Variants in GRIN2B observed in about 807,000 individuals in gnomAD.
The protein encoded by GRIN2B is glutamate receptor ionotropic, NMDA 2B.
In GRIN2B, 5 loss-of-function variants were observed where a neutral mutation model predicts 114.5. The ratio of observed to expected loss-of-function variants is 0.04; its 90% CI spans 0.02 to 0.09. The LOEUF is 0.09. GRIN2B is among the 10% of genes least tolerant of loss of function. GRIN2B has a pLI of 1.00. For synonymous variants in GRIN2B, 787 were observed against 745.1 expected, an observed-to-expected ratio of 1.06 and a Z score of -0.92; for missense variants, 1,108 against 1,943.5, an observed-to-expected ratio of 0.57 and a Z score of 8.08.
At chr12:13,949,506 C>A (rs1355988535) in intron 2 of GRIN2B, among the ~76,000 whole-genome samples, 5 of 152,136 alleles carry the variant, frequency 3.3e-5, no homozygotes, top group African/African-American at 1.2e-4. Context: ...GTGGAAGCTG[C>A]CGTGGCATTC....
At chr12:13,817,368 G>C (rs909590816) in intron 3 of GRIN2B, among the ~76,000 whole-genome samples, 22 of 152,160 alleles carry the variant, frequency 1.4e-4, no homozygotes, top group African/African-American at 5.3e-4. Context: ...AAGCCTGTTA[G>C]TCAGCAGATG....
chr12:13,664,536 A>T (rs971548561), intron 5 of GRIN2B, among the ~76,000 whole-genome samples: 6 of 152,184 alleles, frequency 3.9e-5, no homozygotes, highest in Admixed American at 3.9e-4. Flanking sequence ...ATGATTATTT[A>T]AACAAAAAAA....
At chr12:13,643,791 C>A (rs36063085) in intron 5 of GRIN2B, among the ~76,000 whole-genome samples, 28,777 of 152,072 alleles carry the variant, frequency 0.19, 3,536 homozygotes, top group East Asian at 0.38. Context: ...GAATAGATTT[C>A]ATCTCAAGAA....
chr12:13,602,122 A>G lies in GRIN2B; in HGVS notation c.2010+6481T>C, dbSNP rs574335464. Among the ~76,000 whole-genome samples the G allele has an allele frequency of 7.2e-4, 110 of 152,246 alleles. 1 individual carries two copies. Among genetic ancestry groups the G allele is most frequent in the African/African-American group, 2.6e-3 (109 of 41,550 alleles). ...CAGACTGGCTCTGCCAATTAAGAGA[A>G]CAAAAGGCAAGTGTCCTCCCCCCTC... On this transcript the variant is annotated intron_variant, in intron 10 of 13. Transcript: ENST00000609686.
intron 3 of GRIN2B, among the ~76,000 whole-genome samples, chr12:13,756,776 A>T (rs1863583570): frequency 6.6e-6 from 1 of 152,236 alleles, no homozygotes. Flanking sequence ...TGAAATACAT[A>T]GCAAGAGGTA....
At chr12:13,826,982 A>G (rs1372183915) in intron 3 of GRIN2B, among the ~76,000 whole-genome samples, 1 of 151,506 alleles carries the variant, frequency 6.6e-6, no homozygotes, top group Non-Finnish European at 1.5e-5. Flanking sequence ...TATCTTTTTA[A>G]AAGATATTTT....
intron 2 of GRIN2B, among the ~76,000 whole-genome samples, chr12:13,953,881 C>T (rs1867540548): frequency 6.6e-6 from 1 of 152,202 alleles, no homozygotes; most frequent in African/African-American, 2.4e-5. Flanking sequence ...TTAAATTCTC[C>T]CTTTTGAATT....
At chr12:13,953,088 T>G (rs1592669) in intron 2 of GRIN2B, among the ~76,000 whole-genome samples, 15,695 of 151,832 alleles carry the variant, frequency 0.1, 1,615 homozygotes, top group East Asian at 0.41. Flanking sequence ...CATCTGAAAC[T>G]TCTCAACTTA....
chr12:13,742,579 C>T (rs991928428), intron 4 of GRIN2B, among the ~76,000 whole-genome samples: 2 of 152,064 alleles, frequency 1.3e-5, no homozygotes, highest in Admixed American at 6.6e-5. Flanking sequence ...TACAGATGTA[C>T]ACCACCACAC....
chr12:13,848,279 T>C (rs570094424), intron 3 of GRIN2B, among the ~76,000 whole-genome samples: 13 of 152,306 alleles, frequency 8.5e-5, no homozygotes, highest in African/African-American at 3.1e-4. Context: ...GGAAACCCGT[T>C]AGTTGCTCTT....
At chr12:13,815,579 T>G (rs943853438) in intron 3 of GRIN2B, among the ~76,000 whole-genome samples, 1 of 152,206 alleles carries the variant, frequency 6.6e-6, no homozygotes. Flanking sequence ...ATAGAAAAGA[T>G]GTATGAACAT....
At chr12:13,604,264 C>A (rs1256184043) in intron 10 of GRIN2B, among the ~76,000 whole-genome samples, 1 of 152,188 alleles carries the variant, frequency 6.6e-6, no homozygotes, top group Non-Finnish European at 1.5e-5. Context: ...TCTGAATTCA[C>A]TGTAATGTGC....
intron 4 of GRIN2B, among the ~76,000 whole-genome samples, chr12:13,718,227 G>A (rs941262139): frequency 6.6e-6 from 1 of 152,002 alleles, no homozygotes; most frequent in Admixed American, 6.6e-5. Context: ...AAGAACATGT[G>A]AGTTTCAGTT....
intron 3 of GRIN2B, among the ~76,000 whole-genome samples, chr12:13,856,510 G>A (rs985042521): frequency 6.6e-5 from 10 of 152,162 alleles, no homozygotes; most frequent in Non-Finnish European, 1.2e-4. Context: ...AGCTACCTAC[G>A]AAGGTGGAAC....
At chr12:13,815,109 G>A (rs2136687906) in intron 3 of GRIN2B, among the ~76,000 whole-genome samples, 1 of 152,102 alleles carries the variant, frequency 6.6e-6, no homozygotes, top group East Asian at 1.9e-4. Flanking sequence ...ATGTATCATA[G>A]GCTTCTCCAA....
At chr12:13,843,367 C>T (rs1010853551) in intron 3 of GRIN2B, among the ~76,000 whole-genome samples, 2 of 152,078 alleles carry the variant, frequency 1.3e-5, no homozygotes, top group Non-Finnish European at 2.9e-5. Flanking sequence ...GGGTCATTCC[C>T]ATTTGATTCT....
intron 4 of GRIN2B, among the ~76,000 whole-genome samples, chr12:13,740,153 G>C (rs1863256044): frequency 6.6e-6 from 1 of 152,170 alleles, no homozygotes; most frequent in Non-Finnish European, 1.5e-5. Context: ...AGAGGTACCA[G>C]GAAATTCGTG....
intron 4 of GRIN2B, among the ~76,000 whole-genome samples, chr12:13,689,428 T>C (rs1392428089): frequency 6.6e-6 from 1 of 152,204 alleles, no homozygotes; most frequent in African/African-American, 2.4e-5. Flanking sequence ...TCCAACATTT[T>C]TCTTTTAATT....
chr12:13,792,783 C>T (rs1162956428), intron 3 of GRIN2B, among the ~76,000 whole-genome samples: 3 of 148,570 alleles, frequency 2.0e-5, no homozygotes, highest in Non-Finnish European at 4.5e-5. Flanking sequence ...GAACAGGAAA[C>T]ATTGGCAGCA....
Sources: allele counts gnomAD v4.1 joint callset (sites outside exome capture counted in the v4.1 genomes callset), GRCh38; gene constraint gnomAD v4.1.1; transcripts MANE v1.5; gene names NCBI Gene and HGNC (gene_info 2026-07-23, HGNC 2026-07-21).